Variants in FSTL5 observed in about 807,000 individuals in gnomAD.
FSTL5 encodes the protein follistatin like 5.
Under a neutral mutation model 89.1 loss-of-function variants are expected in FSTL5, and 62 were observed. That is an observed-to-expected ratio of 0.70 (90% CI 0.57 to 0.86). The LOEUF (loss-of-function observed/expected upper bound fraction) is 0.86, where lower values mean the gene tolerates loss of function less well. Among genes scored for constraint, FSTL5 ranks in the 40% least tolerant of loss-of-function variants. FSTL5 has a pLI of 0.00. For synonymous variants in FSTL5, 383 were observed against 346.2 expected (o/e 1.11, Z -1.18); for missense variants, 1,057 against 1,001.6 (o/e 1.06, Z -0.75).
At chr4:161,896,365 C>T (rs1016919356) in intron 4 of FSTL5, among the ~76,000 whole-genome samples, 1 of 152,116 alleles carries the variant, frequency 6.6e-6, no homozygotes, top group Non-Finnish European at 1.5e-5. Flanking sequence ...TCATGCTATC[C>T]TTGCTTATCA....
chr4:161,971,161 G>A (rs888375399), intron 3 of FSTL5, among the ~76,000 whole-genome samples: 7 of 152,128 alleles, frequency 4.6e-5, no homozygotes, highest in African/African-American at 1.7e-4. Flanking sequence ...ATGACAGATT[G>A]AAGATTTCAT....
rs1482062232 is a variant in FSTL5 at position 161,637,185 on chromosome 4, GT to G, written c.894+19142del. ...TGGTGTGAGATGGTATCTCACTGTG[GT>G]TTTGATTTGCATTTCTCTGATGGCC... On this transcript the variant is annotated intron_variant, in intron 7 of 15. Coordinates refer to ENST00000306100, the MANE Select transcript of FSTL5 (RefSeq NM_020116.5). 9.5e-5 allele frequency among the ~76,000 whole-genome samples: 5 copies of G among 52,698 alleles called. No homozygotes were observed. The East Asian group carries it at 2.8e-3, about 29-fold the overall frequency. The allele number at this position is 52,698 out of a possible 152,430, so 34.6% of individuals were successfully genotyped here.
chr4:162,145,017 T>A (rs1040539715), intron 1 of FSTL5, among the ~76,000 whole-genome samples: 2 of 151,820 alleles, frequency 1.3e-5, no homozygotes, highest in Admixed American at 6.6e-5. Flanking sequence ...ATACAATGAA[T>A]ACAATATATA....
intron 6 of FSTL5, among the ~76,000 whole-genome samples, chr4:161,661,987 CCTG>C (rs1167097868): frequency 6.6e-6 from 1 of 152,086 alleles, no homozygotes; most frequent in Non-Finnish European, 1.5e-5. Context: ...TGAGATTACA[CCTG>C]GAATTGCACA....
intron 3 of FSTL5, among the ~76,000 whole-genome samples, chr4:161,946,292 T>C (rs1405248495): frequency 6.6e-6 from 1 of 152,182 alleles, no homozygotes; most frequent in Admixed American, 6.5e-5. Context: ...ATTGCTGTCC[T>C]TCTCCCACCT....
chr4:161,953,629 T>C (rs1734955773), intron 3 of FSTL5, among the ~76,000 whole-genome samples: 1 of 151,788 alleles, frequency 6.6e-6, no homozygotes, highest in East Asian at 1.9e-4. Flanking sequence ...AGGCAAATAA[T>C]CATTTTATAT....
intron 6 of FSTL5, among the ~76,000 whole-genome samples, chr4:161,740,803 C>A (rs1402914854): frequency 6.6e-6 from 1 of 152,128 alleles, no homozygotes. Context: ...GCTGCGGTAA[C>A]AACACACCAT....
At chr4:161,510,587 A>G (rs1730620322) in intron 10 of FSTL5, among the ~76,000 whole-genome samples, 163 bp from the exon 11 acceptor site, 1 of 151,930 alleles carries the variant, frequency 6.6e-6, no homozygotes, top group African/African-American at 2.4e-5. Flanking sequence ...TAACAAAACA[A>G]TAGCATGTTG....
rs574841820 is a variant in FSTL5 at position 161,883,794 on chromosome 4, A to C, written c.409+36610T>G. Among the ~76,000 whole-genome samples, 40 of 152,270 alleles carry C rather than the reference A, an allele frequency of 2.6e-4. 1 individual carries two copies. In the South Asian group the frequency reaches 6.4e-3, roughly 24 times the overall value. On this transcript the variant is annotated intron_variant, in intron 4 of 15. Coordinates refer to ENST00000306100, the MANE Select transcript of FSTL5 (RefSeq NM_020116.5). ...CTGAGATTCTCCCTTAATTCATCTA[A>C]TGATGTTACCGGCAGAGCGGAAGAC... is the stretch of plus-strand genomic sequence containing the variant.
chr4:161,495,020 C>G (rs545794263), intron 12 of FSTL5: 1 of 152,114 alleles, frequency 6.6e-6, no homozygotes, highest in African/African-American at 2.4e-5. Context: ...TACGAATGCA[C>G]CACTGCACTC....
At chr4:161,966,195 T>G (rs953988897) in intron 3 of FSTL5, among the ~76,000 whole-genome samples, 1 of 152,106 alleles carries the variant, frequency 6.6e-6, no homozygotes, top group African/African-American at 2.4e-5. Context: ...AGCAAGTAAG[T>G]GAGGTTGTGG....
At chr4:162,084,278 C>T (rs1158884558) in intron 2 of FSTL5, among the ~76,000 whole-genome samples, 1 of 151,830 alleles carries the variant, frequency 6.6e-6, no homozygotes, top group East Asian at 1.9e-4. Context: ...TTCAGAGTAT[C>T]ATCACCTGGA....
At chr4:161,457,198 CT>C (rs1434287935) in intron 14 of FSTL5, among the ~76,000 whole-genome samples, 1 of 152,150 alleles carries the variant, frequency 6.6e-6, no homozygotes, top group African/African-American at 2.4e-5. Flanking sequence ...ATCTACCTAT[CT>C]AATCAAGCTT....
chr4:162,072,598 A>G (rs1729674705), intron 2 of FSTL5, among the ~76,000 whole-genome samples: 1 of 151,852 alleles, frequency 6.6e-6, no homozygotes, highest in Non-Finnish European at 1.5e-5. Flanking sequence ...CAGTGAAAAC[A>G]TTATTAACAA....
intron 4 of FSTL5, among the ~76,000 whole-genome samples, chr4:161,796,223 A>G: frequency 6.6e-6 from 1 of 151,902 alleles, no homozygotes; most frequent in Admixed American, 6.6e-5. Context: ...TATATTTTCT[A>G]AATCTCCTTT....
Position 161,574,697 on chromosome 4 carries a change from C to CT in FSTL5, c.1015+12757dup, listed in dbSNP as rs1733149761. On this transcript the variant is annotated intron_variant, in intron 8 of 15. Coordinates refer to ENST00000306100, the MANE Select transcript of FSTL5 (RefSeq NM_020116.5). ...TCCCTGCAAAGGACATTAACTCATC[C>CT]TTTTTTACAGCTGCATAGTATTCCA... Among the ~76,000 whole-genome samples the CT allele has an allele frequency of 1.3e-5, 2 of 152,042 alleles. 1 individual carries two copies. Among genetic ancestry groups the CT allele is most frequent in the South Asian group, 4.1e-4 (2 of 4,820 alleles).
At chr4:161,910,401 G>T (rs1350879239) in intron 4 of FSTL5, among the ~76,000 whole-genome samples, 1 of 152,018 alleles carries the variant, frequency 6.6e-6, no homozygotes, top group African/African-American at 2.4e-5. Flanking sequence ...AAACTGTATT[G>T]ATTTCTACAT....
At chr4:161,566,133 T>C (rs1008052773) in intron 8 of FSTL5, among the ~76,000 whole-genome samples, 3,335 of 74,980 alleles carry the variant, frequency 0.044, 217 homozygotes, top group African/African-American at 0.14. Flanking sequence ...TATATATATA[T>C]ATACACACAC....
chr4:161,652,179 G>A (rs1192557609), intron 7 of FSTL5, among the ~76,000 whole-genome samples: 1 of 152,110 alleles, frequency 6.6e-6, no homozygotes, highest in Admixed American at 6.6e-5. Flanking sequence ...AATCATGCCT[G>A]TAAACCCAGA....
Sources: gnomAD v4.1 joint callset for allele counts (sites outside exome capture counted in the v4.1 genomes callset) on GRCh38, gnomAD v4.1.1 for gene constraint, MANE v1.5 for transcripts, NCBI Gene and HGNC (gene_info 2026-07-23, HGNC 2026-07-21) for gene names.